The following USP24 variants were observed in gnomAD, a reference collection of about 807,000 sequenced individuals.
USP24 encodes ubiquitin carboxyl-terminal hydrolase 24.
USP24 carries 97 observed loss-of-function variants against 361.6 expected under a neutral mutation model. That is an observed-to-expected ratio of 0.27 (90% CI 0.23 to 0.32). The LOEUF (loss-of-function observed/expected upper bound fraction) is 0.32. Ranked by LOEUF, USP24 falls within the 10% of genes least tolerant of loss-of-function variation. The probability of loss-of-function intolerance (pLI) is 1.00; values close to 1 mark genes in which losing one functional copy is unlikely to be tolerated. For missense variants in USP24, 2,353 were observed against 3,165.6 expected (o/e 0.74, Z 6.16); for synonymous variants, 1,098 against 1,124.6 (o/e 0.98, Z 0.47).
At chr1:55,171,463 A>G in intron 5 of USP24, 93 bp downstream of exon 5, 1 of 1,415,070 alleles carries the variant, frequency 7.1e-7, no homozygotes, top group Non-Finnish European at 9.5e-7. Flanking sequence ...AGATTGTTTT[A>G]ATCCTCCCAT....
intron 56 of USP24, among the ~76,000 whole-genome samples, chr1:55,085,515 A>G (rs1297165406): frequency 6.6e-6 from 1 of 152,252 alleles, no homozygotes; most frequent in Non-Finnish European, 1.5e-5. Flanking sequence ...GATGAATAGC[A>G]CTATTTGGTT....
chr1:55,201,294 C>G (rs1644566116), intron 1 of USP24, among the ~76,000 whole-genome samples: 1 of 152,030 alleles, frequency 6.6e-6, no homozygotes, highest in African/African-American at 2.4e-5. Flanking sequence ...ATACAGAAAA[C>G]CAGACCCTGC....
At chr1:55,214,027 A>G (rs1644916720) in intron 1 of USP24, among the ~76,000 whole-genome samples, 1 of 151,744 alleles carries the variant, frequency 6.6e-6, no homozygotes, top group Non-Finnish European at 1.5e-5. Context: ...TGCCAGCTCT[A>G]TCTTCCAATT....
intron 38 of USP24, among the ~76,000 whole-genome samples, chr1:55,118,359 A>G (rs1176444463): frequency 6.6e-6 from 1 of 152,256 alleles, no homozygotes; most frequent in African/African-American, 2.4e-5. Flanking sequence ...TGGGGAAAGG[A>G]TAGTATTTTT....
At chr1:55,083,230 A>G in intron 58 of USP24, 42 bp downstream of exon 58, 1 of 1,577,760 alleles carries the variant, frequency 6.3e-7, no homozygotes, top group South Asian at 1.1e-5. Context: ...GCGGCTATGA[A>G]AACCATAGCT....
intron 56 of USP24, among the ~76,000 whole-genome samples, chr1:55,085,017 G>A (rs1006387273): frequency 6.6e-6 from 1 of 152,172 alleles, no homozygotes; most frequent in Non-Finnish European, 1.5e-5. Flanking sequence ...ACAGGGAATG[G>A]AGCAATGGCA....
intron 7 of USP24, among the ~76,000 whole-genome samples, chr1:55,164,718 T>C (rs142718942): frequency 4.3e-4 from 66 of 152,086 alleles, no homozygotes; most frequent in African/African-American, 8.2e-4. Flanking sequence ...CATTTGATAA[T>C]AATGAGGGCT....
At position 55,068,711 on chromosome 1, in the gene USP24, C is replaced by A; in HGVS notation, c.*334G>T. 1 of 279,516 alleles carries A rather than the reference C, an allele frequency of 3.6e-6. No homozygotes were observed. Among genetic ancestry groups the A allele is most frequent in the Non-Finnish European group, 6.6e-6 (1 of 151,204 alleles). 17.3% of individuals were successfully genotyped at this position (279,516 alleles called of 1,614,324 possible). A position where few individuals can be genotyped will look rare whatever the true frequency, so the allele number is the denominator to read the frequency against. On this transcript the variant is annotated 3_prime_UTR_variant, in exon 68 of 68. Coordinates refer to ENST00000294383, the MANE Select transcript of USP24 (RefSeq NM_015306.3). ...TTCTTTTGTAGCATCGTAGAGAAAGCAACAGCTTTATGCTCACTCTTGTAT... is the reference window on the plus strand; with the variant it reads ...TTCTTTTGTAGCATCGTAGAGAAAGAAACAGCTTTATGCTCACTCTTGTAT...
chr1:55,126,347 C>G (rs867589760), intron 32 of USP24, among the ~76,000 whole-genome samples: 1 of 152,156 alleles, frequency 6.6e-6, no homozygotes. Context: ...TAGATGTCAC[C>G]CCAGCGAAGC....
At chr1:55,138,763 A>C (rs773285828) in intron 25 of USP24, 45 bp from the exon 26 acceptor site, 1 of 1,419,318 alleles carries the variant, frequency 7.0e-7, no homozygotes, top group Non-Finnish European at 9.8e-7. Flanking sequence ...CACCACTGAT[A>C]AACACATCAA....
chr1:55,211,397 C>A (rs1644843315), intron 1 of USP24, among the ~76,000 whole-genome samples: 1 of 152,188 alleles, frequency 6.6e-6, no homozygotes, highest in African/African-American at 2.4e-5. Context: ...CTAGTGAGAA[C>A]CAAACACATC....
intron 37 of USP24, 117 bp downstream of exon 37, chr1:55,121,319 A>G: frequency 1.2e-6 from 1 of 837,988 alleles, no homozygotes; most frequent in Non-Finnish European, 1.8e-6. Flanking sequence ...CCCTTCGTAC[A>G]CTCCCTGAGA....
At chr1:55,080,499 G>A (rs1645128107) in intron 59 of USP24, among the ~76,000 whole-genome samples, 1 of 152,128 alleles carries the variant, frequency 6.6e-6, no homozygotes, top group Non-Finnish European at 1.5e-5. Context: ...AAACCTTTCT[G>A]TGCCTTAGTT....
At chr1:55,136,214 C>A (rs925273679) in intron 28 of USP24, among the ~76,000 whole-genome samples, 4 of 152,076 alleles carry the variant, frequency 2.6e-5, no homozygotes, top group African/African-American at 9.7e-5. Context: ...TGAGAGTGAG[C>A]CACCTGCATC....
chr1:55,112,594 T>C (rs1016929630), intron 38 of USP24, among the ~76,000 whole-genome samples: 1 of 152,228 alleles, frequency 6.6e-6, no homozygotes, highest in Non-Finnish European at 1.5e-5. Context: ...TTGAGTGAAT[T>C]TCTTAATCCT....
chr1:55,171,305 C>T (rs74935586), intron 5 of USP24, among the ~76,000 whole-genome samples: 3,881 of 152,166 alleles, frequency 0.026, 61 homozygotes, highest in Non-Finnish European at 0.037. Context: ...TAATAGATGA[C>T]GCTAAAGACA....
At chr1:55,123,331 CCCG>C (rs1646336039) in intron 36 of USP24, 113 bp downstream of exon 36, 3 of 1,232,072 alleles carry the variant, frequency 2.4e-6, no homozygotes, top group Non-Finnish European at 3.3e-6. Context: ...ATGCCAACTT[CCCG>C]CCTTTTTCAT....
At chr1:55,133,156 T>C (rs745793515) in intron 30 of USP24, among the ~76,000 whole-genome samples, 5 of 152,224 alleles carry the variant, frequency 3.3e-5, no homozygotes, top group Admixed American at 6.5e-5. Context: ...TCTAAATTTC[T>C]ACCACTAAAT....
chr1:55,068,928 C>T lies in USP24; in HGVS notation c.*117G>A. On this transcript the variant is annotated 3_prime_UTR_variant, in exon 68 of 68. Transcript: ENST00000294383. Reference sequence around the variant, plus strand: ...AGAAATACACGATCCGCCCAAGTCACAGCAGCTTTCCCAGTCCAATCTCCA... The same window carrying T: ...AGAAATACACGATCCGCCCAAGTCATAGCAGCTTTCCCAGTCCAATCTCCA... The T allele has an allele frequency of 1.8e-6, 2 of 1,117,194 alleles. No individual in the cohort carries two copies. The highest frequency in any genetic ancestry group is 2.7e-6 in the Non-Finnish European group (2 of 751,956). The allele number at this position is 1,117,194 out of a possible 1,614,324, so 69.2% of individuals were successfully genotyped here. A position where few individuals can be genotyped will look rare whatever the true frequency, so the allele number is the denominator to read the frequency against.
Sources: allele counts gnomAD v4.1 joint callset (sites outside exome capture counted in the v4.1 genomes callset), GRCh38; gene constraint gnomAD v4.1.1; transcripts MANE v1.5; gene names NCBI Gene and HGNC (gene_info 2026-07-23, HGNC 2026-07-21).